Variants in CDH13 observed in about 807,000 individuals in gnomAD.
CDH13 encodes cadherin 13, also known as cadherin-13.
CDH13 carries 24 observed loss-of-function variants against 63.8 expected under a neutral mutation model. The observed-to-expected ratio is 0.38, with a 90% CI of 0.27 to 0.53. The LOEUF (loss-of-function observed/expected upper bound fraction) is 0.53, where lower values mean the gene tolerates loss of function less well. Among genes scored for constraint, CDH13 ranks in the 20% least tolerant of loss-of-function variants. The pLI, the probability that CDH13 is intolerant of heterozygous loss-of-function variation, is 0.85. For missense variants in CDH13, 1,049 were observed against 903.1 expected, an observed-to-expected ratio of 1.16 and a Z score of -2.07; for synonymous variants, 503 against 355.3, an observed-to-expected ratio of 1.42 and a Z score of -4.67.
At chr16:82,951,294 C>G (rs1464821649) in intron 2 of CDH13, among the ~76,000 whole-genome samples, 2 of 152,280 alleles carry the variant, frequency 1.3e-5, no homozygotes, top group East Asian at 1.9e-4. Flanking sequence ...TGCCTGTGCT[C>G]TCAAAGAAGA....
At chr16:82,733,037 G>C (rs760849254) in intron 1 of CDH13, among the ~76,000 whole-genome samples, 30 of 152,172 alleles carry the variant, frequency 2.0e-4, no homozygotes, top group Non-Finnish European at 3.5e-4. Flanking sequence ...GTAGTAACCA[G>C]GTTTATTCCA....
At chr16:83,180,741 G>T in intron 4 of CDH13, 2 of 645,960 alleles carry the variant, frequency 3.1e-6, no homozygotes, top group South Asian at 4.0e-5. Flanking sequence ...CTAGAAAAAC[G>T]GTCACTCTAG....
At chr16:83,118,360 G>A (rs1038555880) in intron 3 of CDH13, among the ~76,000 whole-genome samples, 7 of 152,350 alleles carry the variant, frequency 4.6e-5, no homozygotes, top group African/African-American at 1.7e-4. Flanking sequence ...ATCTGCTCGT[G>A]AGTGTGTGTG....
intron 3 of CDH13, among the ~76,000 whole-genome samples, chr16:83,063,834 G>C (rs1055188158): frequency 3.3e-5 from 5 of 152,130 alleles, no homozygotes; most frequent in African/African-American, 1.2e-4. Context: ...TTCAGTCTCT[G>C]GAGGCAGTCG....
chr16:83,039,690 G>A (rs1179053703), intron 3 of CDH13, among the ~76,000 whole-genome samples: 1 of 152,114 alleles, frequency 6.6e-6, no homozygotes, highest in East Asian at 1.9e-4. Flanking sequence ...TTCAGTGGAT[G>A]CCTTTTGAAT....
chr16:83,142,220 G>T (rs933835929), intron 4 of CDH13, among the ~76,000 whole-genome samples: 16 of 149,840 alleles, frequency 1.1e-4, no homozygotes, highest in Non-Finnish European at 2.2e-4. Context: ...AAGTGCAGTG[G>T]TGTAATCTCA....
chr16:83,369,695 G>T (rs1051501396), intron 6 of CDH13, among the ~76,000 whole-genome samples: 1 of 152,132 alleles, frequency 6.6e-6, no homozygotes, highest in Admixed American at 6.5e-5. Flanking sequence ...ATAGTGTTGG[G>T]ATTACAGGCA....
intron 7 of CDH13, among the ~76,000 whole-genome samples, chr16:83,549,236 C>T (rs534863515): frequency 6.6e-6 from 1 of 152,158 alleles, no homozygotes; most frequent in Non-Finnish European, 1.5e-5. Flanking sequence ...CACGGGAGCA[C>T]CTGTGAGTTG....
intron 2 of CDH13, among the ~76,000 whole-genome samples, chr16:82,980,771 G>C (rs1013267141): frequency 5.9e-5 from 9 of 152,120 alleles, no homozygotes; most frequent in African/African-American, 2.2e-4. Context: ...GAACCTCCTT[G>C]TCTTCTCTGG....
rs1904275869 is a variant in CDH13 at position 83,795,206 on chromosome 16, C to T, written c.*176C>T. The T allele has an allele frequency of 7.2e-6, 4 of 556,098 alleles. No homozygotes were observed. The highest frequency in any genetic ancestry group is 9.5e-6 in the Non-Finnish European group (3 of 314,292). The allele number at this position is 556,098 out of a possible 1,614,324, so 34.4% of individuals were successfully genotyped here. On this transcript the variant is annotated 3_prime_UTR_variant, in exon 14 of 14. Transcript: ENST00000567109. ...CTTAGTCTGTACTTCATCATTTTGA[C>T]AGCATCTTCCTCCCTCCTTTAATTA... is the stretch of plus-strand genomic sequence containing the variant.
intron 3 of CDH13, among the ~76,000 whole-genome samples, chr16:83,080,871 G>GGTTTTTTTTTTT (rs2033183201): frequency 5.5e-4 from 26 of 46,952 alleles, no homozygotes; most frequent in African/African-American, 2.3e-3. Flanking sequence ...TTGTTTTTGT[G>GGTTTTTTTTTTT]TTTTTTTTTT....
intron 6 of CDH13, among the ~76,000 whole-genome samples, chr16:83,420,746 G>A (rs1211284655): frequency 2.0e-5 from 3 of 152,162 alleles, no homozygotes; most frequent in Non-Finnish European, 2.9e-5. Context: ...GGCTCAGTCC[G>A]AATCCGAGAG....
intron 3 of CDH13, among the ~76,000 whole-genome samples, chr16:83,100,130 A>T (rs911637279): frequency 2.0e-5 from 3 of 152,212 alleles, no homozygotes; most frequent in Non-Finnish European, 4.4e-5. Context: ...GTCTGAGGAC[A>T]CACCAGGTGC....
At chr16:83,434,843 A>ATGTG (rs1442298017) in intron 6 of CDH13, among the ~76,000 whole-genome samples, 36 of 62,730 alleles carry the variant, frequency 5.7e-4, no homozygotes, top group African/African-American at 2.7e-3. Context: ...TAAAATATAT[A>ATGTG]TATATGTGTG....
intron 7 of CDH13, among the ~76,000 whole-genome samples, chr16:83,565,598 T>A (rs1443157097): frequency 2.6e-5 from 4 of 152,246 alleles, no homozygotes; most frequent in African/African-American, 9.6e-5. Flanking sequence ...GCGATCTTTA[T>A]GTGGTGGGTG....
intron 5 of CDH13, among the ~76,000 whole-genome samples, chr16:83,270,145 A>G (rs1010849030): frequency 5.3e-5 from 8 of 152,200 alleles, no homozygotes; most frequent in African/African-American, 1.9e-4. Flanking sequence ...GTTTCTTTAT[A>G]CACTGTTACA....
chr16:83,793,583 C>T (rs1008702424), intron 13 of CDH13, among the ~76,000 whole-genome samples: 2 of 152,192 alleles, frequency 1.3e-5, no homozygotes, highest in Non-Finnish European at 2.9e-5. Context: ...ATGCTACTTT[C>T]GTGATTGGCT....
chr16:83,750,395 A>G (rs527737900), intron 11 of CDH13, among the ~76,000 whole-genome samples: 3 of 152,208 alleles, frequency 2.0e-5, no homozygotes, highest in Non-Finnish European at 4.4e-5. Flanking sequence ...TTTTCTGCCC[A>G]GTGGTTCTTC....
intron 2 of CDH13, among the ~76,000 whole-genome samples, chr16:82,929,104 A>C (rs894127445): frequency 6.6e-6 from 1 of 152,220 alleles, no homozygotes; most frequent in African/African-American, 2.4e-5. Context: ...TTTAAAAAAT[A>C]TGCTATCATT....
Sources: gnomAD v4.1 joint callset for allele counts (sites outside exome capture counted in the v4.1 genomes callset) on GRCh38, gnomAD v4.1.1 for gene constraint, MANE v1.5 for transcripts, NCBI Gene and HGNC (gene_info 2026-07-23, HGNC 2026-07-21) for gene names.